APOL2: variants seen among roughly 807,000 people sequenced by gnomAD.
APOL2 encodes the protein apolipoprotein L, 2.
In APOL2, 8 loss-of-function variants were observed where a neutral mutation model predicts 7.1. The ratio of observed to expected loss-of-function variants is 1.12; its 90% CI spans 0.66 to 2.03. The LOEUF is 2.03. Among genes scored for constraint, APOL2 ranks in the 30% most tolerant of loss-of-function variants. The pLI is 0.00. For missense variants in APOL2, 471 were observed against 415.1 expected, an observed-to-expected ratio of 1.13 and a Z score of -1.17; for synonymous variants, 177 against 159.9, an observed-to-expected ratio of 1.11 and a Z score of -0.81.
chr22:36,233,413 T>C lies in APOL2; in HGVS notation c.-91A>G, dbSNP rs1302895800. ...TTACAGAAACTCACCTCGTTCCAGC[T>C]TCCTCTTCCCTCACTCTCACACCAA... On this transcript the variant is annotated 5_prime_UTR_variant, in exon 2 of 5. Transcript: ENST00000358502. The C allele has an allele frequency of 1.3e-6, 2 of 1,552,054 alleles. No individual in the cohort carries two copies. Among genetic ancestry groups the C allele is most frequent in the Non-Finnish European group, 1.7e-6 (2 of 1,148,366 alleles).
intron 1 of APOL2, among the ~76,000 whole-genome samples, chr22:36,237,692 T>C (rs2015456637): frequency 6.6e-6 from 1 of 152,152 alleles, no homozygotes; most frequent in Non-Finnish European, 1.5e-5. Context: ...ATTACAGGCC[T>C]CAGCCGTGGC....
At chr22:36,239,797 C>T, upstream of APOL2, 1 of 434,788 alleles carries the variant, frequency 2.3e-6, no homozygotes, top group East Asian at 4.2e-5. Context: ...CAGTCAGAAC[C>T]AGAGTTGAGC....
rs534812408 is a variant in APOL2 at position 36,237,344 on chromosome 22, A to G, written c.-134+2097T>C. 6 of 1,322,966 alleles carry G rather than the reference A, an allele frequency of 4.5e-6. No individual in the cohort carries two copies. The East Asian group carries it at 1.2e-4, about 25-fold the overall frequency. The allele number at this position is 1,322,966 out of a possible 1,614,324, so 82.0% of individuals were successfully genotyped here. On this transcript the variant is annotated intron_variant, in intron 1 of 4. Coordinates refer to ENST00000358502, the MANE Select transcript of APOL2 (RefSeq NM_030882.4). Reference sequence around the variant, plus strand: ...ACTCTCAGCAAAGCATCTCCCTCCAAGTGGTTGTGGGGCATCCTCCTTGGG... The same window carrying G: ...ACTCTCAGCAAAGCATCTCCCTCCAGGTGGTTGTGGGGCATCCTCCTTGGG...
Position 36,226,381 on chromosome 22 carries a change from G to T in APOL2, c.*1023C>A, listed in dbSNP as rs45590338. 3 of 152,306 alleles carry T rather than the reference G, an allele frequency of 2.0e-5. No individual in the cohort carries two copies. Among genetic ancestry groups the T allele is most frequent in the African/African-American group, 7.2e-5 (3 of 41,440 alleles). 9.4% of individuals were successfully genotyped at this position (152,306 alleles called of 1,614,324 possible). ...GACTGTTTTCATTGGTTGGTTCTCA[G>T]ATACTCTCTGGGAAGTTTGGGTTCT... On this transcript the variant is annotated 3_prime_UTR_variant, in exon 5 of 5. Coordinates refer to ENST00000358502, the MANE Select transcript of APOL2 (RefSeq NM_030882.4).
At chr22:36,237,469 G>T in intron 1 of APOL2, 1 of 882,304 alleles carries the variant, frequency 1.1e-6, no homozygotes, top group Non-Finnish European at 1.4e-6. Flanking sequence ...AGTGCTTTGG[G>T]GCTATCACAG....
In APOL2 at chr22:36,227,315, CAAAAAAAA is replaced by C. The variant is rs56009920; in HGVS notation, c.*81_*88del. 1.7e-3 allele frequency: 1,642 copies of C among 959,254 alleles called. 4 individuals are homozygous for C. Among genetic ancestry groups the C allele is most frequent in the Middle Eastern group, 2.4e-3 (7 of 2,864 alleles). 59.4% of individuals were successfully genotyped at this position (959,254 alleles called of 1,614,324 possible). On this transcript the variant is annotated 3_prime_UTR_variant, in exon 5 of 5. Coordinates refer to ENST00000358502, the MANE Select transcript of APOL2 (RefSeq NM_030882.4). Reference sequence around the variant, plus strand: ...TGGGCGATAGAGCGAGACTCCATCTCAAAAAAAAAAAAAAAAAAAAAAAAAAGTCTGCA... The same window carrying C: ...TGGGCGATAGAGCGAGACTCCATCTCAAAAAAAAAAAAAAAAAAGTCTGCA...
intron 2 of APOL2, 59 bp from the exon 3 acceptor site, chr22:36,233,300 G>C: frequency 6.2e-7 from 1 of 1,600,618 alleles, no homozygotes; most frequent in Non-Finnish European, 8.5e-7. Flanking sequence ...TACAGAGGGA[G>C]GCTGGAGGGG....
intron 1 of APOL2, 191 bp downstream of exon 1, chr22:36,239,249 GC>G (rs3833385): frequency 0.1 from 140,603 of 1,368,394 alleles, 7,872 homozygotes; most frequent in South Asian, 0.14. Flanking sequence ...CAGTTTACCC[GC>G]CCAGCAGGAG....
chr22:36,232,572 C>T (rs1004998581), intron 3 of APOL2, among the ~76,000 whole-genome samples: 12 of 152,132 alleles, frequency 7.9e-5, no homozygotes, highest in African/African-American at 1.2e-4. Context: ...TCATGGTACA[C>T]GAGAGGGGAG....
In APOL2 at chr22:36,231,485, G is replaced by C; in HGVS notation, c.11-19C>G. The C allele has an allele frequency of 6.2e-7, 1 of 1,608,044 alleles. No individual in the cohort carries two copies. Among genetic ancestry groups the C allele is most frequent in the South Asian group, 1.1e-5 (1 of 90,518 alleles). On this transcript the variant is annotated intron_variant, in intron 3 of 4. Coordinates refer to ENST00000358502, the MANE Select transcript of APOL2 (RefSeq NM_030882.4). ...CTGCTCTCTAGTTGGAAAGAAGAAA[G>C]GATAAGGTTGGAGGATAGTGTAGGG...
Position 36,233,210 on chromosome 22 carries a change from T to C in APOL2, c.-48A>G. On this transcript the variant is annotated 5_prime_UTR_variant, in exon 3 of 5. Transcript: ENST00000358502. ...AGGGGCTTTCCTTGGAGCTCTCCAG[T>C]CACTGTCCAGACTGGAAGGTTTTCC... 6.2e-7 allele frequency: 1 copy of C among 1,614,044 alleles called. No homozygotes were observed. The highest frequency in any genetic ancestry group is 8.5e-7 in the Non-Finnish European group (1 of 1,179,968).
chr22:36,238,645 T>C (rs1041576047), intron 1 of APOL2, among the ~76,000 whole-genome samples: 7 of 152,196 alleles, frequency 4.6e-5, no homozygotes, highest in Admixed American at 2.0e-4. Flanking sequence ...AATTCCACAG[T>C]GTGGCTTTTG....
rs1264669890 is a variant in APOL2, at chr22:36,227,354, T to C, written c.*50A>G. ...AAAAAAAAAAAAAGTCTGCATTTTGTCCTGGCCTGTGCCCGGCATTTCTGC... is the reference window on the plus strand; with the variant it reads ...AAAAAAAAAAAAAGTCTGCATTTTGCCCTGGCCTGTGCCCGGCATTTCTGC... On this transcript the variant is annotated 3_prime_UTR_variant, in exon 5 of 5. Coordinates refer to ENST00000358502, the MANE Select transcript of APOL2 (RefSeq NM_030882.4). 4.2e-6 allele frequency: 6 copies of C among 1,435,824 alleles called. No individual in the cohort carries two copies. Among genetic ancestry groups the C allele is most frequent in the East Asian group, 2.3e-5 (1 of 43,354 alleles). The allele number at this position is 1,435,824 out of a possible 1,614,324, so 88.9% of individuals were successfully genotyped here.
chr22:36,237,087 TC>T (rs776830438), intron 1 of APOL2: 2 of 1,533,410 alleles, frequency 1.3e-6, no homozygotes, highest in South Asian at 2.5e-5. Context: ...AGGAGCTGCA[TC>T]CAGGATCCCA....
chr22:36,237,670 C>T (rs1287791228), intron 1 of APOL2, among the ~76,000 whole-genome samples: 1 of 152,182 alleles, frequency 6.6e-6, no homozygotes, highest in Non-Finnish European at 1.5e-5. Flanking sequence ...CCTCTGCCTC[C>T]CACAGCACTG....
intron 1 of APOL2, chr22:36,236,573 A>C (rs2015410539): frequency 3.3e-5 from 33 of 985,332 alleles, no homozygotes; most frequent in Middle Eastern, 5.2e-4. Flanking sequence ...GCGGCTCCAA[A>C]ATCACCATTG....
intron 3 of APOL2, among the ~76,000 whole-genome samples, chr22:36,232,192 C>T (rs2015246372): frequency 6.6e-6 from 1 of 152,252 alleles, no homozygotes; most frequent in Admixed American, 6.5e-5. Flanking sequence ...GTCTCTGACA[C>T]TTTTTCATCA....
At position 36,227,420 on chromosome 22, in the gene APOL2, G is replaced by C. The variant is rs771593597; in HGVS notation, c.998C>G (p.Pro333Arg). ...FLTKIHEMLQPGQDQ is the reference protein window; with the variant it reads ...FLTKIHEMLQRGQDQ ...GCTCTGGGGTCATTGGTCTTGGCCT[G>C]GCTGCAGCATCTCATGGATCTTGGT... is the stretch of plus-strand genomic sequence containing the variant. Residue 333 changes from proline to arginine, a missense_variant, in exon 5 of 5, where the codon CCA becomes CGA. By Grantham distance (103) the Pro-to-Arg change is moderately radical (BLOSUM62 -2). Transcript: ENST00000358502. 2 of 1,607,704 alleles carry C rather than the reference G, an allele frequency of 1.2e-6. No individual in the cohort carries two copies. The highest frequency in any genetic ancestry group is 1.3e-5 in the African/African-American group (1 of 74,800).
intron 3 of APOL2, among the ~76,000 whole-genome samples, chr22:36,232,397 T>A (rs2015253071): frequency 6.6e-6 from 1 of 152,102 alleles, no homozygotes; most frequent in Non-Finnish European, 1.5e-5. Context: ...CTAACACAGA[T>A]GAGGGGACTG....
Sources: gnomAD v4.1 joint callset for allele counts (sites outside exome capture counted in the v4.1 genomes callset) on GRCh38, gnomAD v4.1.1 for gene constraint, MANE v1.5 for transcripts, NCBI Gene and HGNC (gene_info 2026-07-23, HGNC 2026-07-21) for gene names.